TCF4: variants seen among roughly 807,000 people sequenced by gnomAD.
The protein encoded by TCF4 is transcription factor 4.
Under a neutral mutation model 82.1 loss-of-function variants are expected in TCF4, and 3 were observed. The ratio of observed to expected loss-of-function variants is 0.04; its 90% CI spans 0.02 to 0.09. The LOEUF is 0.09. TCF4 is among the 10% of genes least tolerant of loss of function. The pLI, the probability that TCF4 is intolerant of heterozygous loss-of-function variation, is 1.00. For synonymous variants in TCF4, 276 were observed against 309.6 expected, an observed-to-expected ratio of 0.89 and a Z score of 1.14; for missense variants, 518 against 852.7, an observed-to-expected ratio of 0.61 and a Z score of 4.89.
rs766523171 is a variant in TCF4 at position 55,578,770 on chromosome 18, A to G, written c.145+6510T>C. Among the ~76,000 whole-genome samples, 57 of 152,100 alleles carry G rather than the reference A, an allele frequency of 3.7e-4. 1 individual carries two copies. Among genetic ancestry groups the G allele is most frequent in the Non-Finnish European group, 6.5e-4 (44 of 67,954 alleles). On this transcript the variant is annotated intron_variant, in intron 3 of 19. Transcript: ENST00000354452. Reference sequence around the variant, plus strand: ...AGGGGTGTTTGCAAAACAAATCAATAAAGGCACATCCAACAATGGATTGCA... The same window carrying G: ...AGGGGTGTTTGCAAAACAAATCAATGAAGGCACATCCAACAATGGATTGCA...
chr18:55,616,572 A>G (rs997820432), intron 2 of TCF4, among the ~76,000 whole-genome samples: 6 of 151,982 alleles, frequency 3.9e-5, no homozygotes, highest in Non-Finnish European at 8.8e-5. Flanking sequence ...CCATTTTACC[A>G]TCCCACCAAC....
intron 2 of TCF4, among the ~76,000 whole-genome samples, chr18:55,608,285 A>G (rs570697032): frequency 1.4e-4 from 22 of 152,186 alleles, no homozygotes; most frequent in Non-Finnish European, 2.5e-4. Flanking sequence ...TAAATGGTCA[A>G]CCATCTTAAA....
chr18:55,543,394 G>T (rs992122033), intron 3 of TCF4, among the ~76,000 whole-genome samples: 1 of 152,076 alleles, frequency 6.6e-6, no homozygotes, highest in South Asian at 2.1e-4. Context: ...CAAAGATAAG[G>T]CTTCTCCTTA....
chr18:55,569,137 G>A (rs943446324), intron 3 of TCF4, among the ~76,000 whole-genome samples: 2 of 150,852 alleles, frequency 1.3e-5, no homozygotes, highest in African/African-American at 4.9e-5. Context: ...GTGAAAATCA[G>A]GAATAAGACA....
chr18:55,439,880 G>A (rs981714806), intron 5 of TCF4, among the ~76,000 whole-genome samples: 3 of 152,088 alleles, frequency 2.0e-5, no homozygotes, highest in Non-Finnish European at 2.9e-5. Flanking sequence ...GTGCCACCAC[G>A]CCTGGCTAAT....
intron 5 of TCF4, among the ~76,000 whole-genome samples, chr18:55,429,317 C>A (rs2147116417): frequency 6.6e-6 from 1 of 152,322 alleles, no homozygotes; most frequent in Admixed American, 6.5e-5. Flanking sequence ...AGTTCCAAGT[C>A]CTGCCACGTT....
chr18:55,321,700 G>A (rs1366937218), intron 8 of TCF4: 4 of 1,536,032 alleles, frequency 2.6e-6, no homozygotes, highest in Non-Finnish European at 3.5e-6. Flanking sequence ...ACATCAAAGA[G>A]TTGCCGCCCA....
intron 3 of TCF4, among the ~76,000 whole-genome samples, chr18:55,494,717 A>C (rs1268829054): frequency 6.6e-6 from 1 of 152,136 alleles, no homozygotes; most frequent in African/African-American, 2.4e-5. Context: ...CAACCCAGAG[A>C]ATGCTAGACA....
intron 2 of TCF4, among the ~76,000 whole-genome samples, chr18:55,604,935 G>C (rs1224322232): frequency 1.3e-5 from 2 of 152,164 alleles, no homozygotes; most frequent in Non-Finnish European, 2.9e-5. Flanking sequence ...GACCAATCTT[G>C]AAATAAAACA....
chr18:55,321,492 A>C, intron 8 of TCF4: 1 of 924,756 alleles, frequency 1.1e-6, no homozygotes, highest in Non-Finnish European at 1.7e-6. Context: ...AAAAAGACGA[A>C]GGAGAAGAAG....
chr18:55,545,730 G>A (rs1015786817), intron 3 of TCF4, among the ~76,000 whole-genome samples: 5 of 152,222 alleles, frequency 3.3e-5, no homozygotes, highest in East Asian at 1.9e-4. Flanking sequence ...GATTACAGGC[G>A]TGAGACACCA....
intron 5 of TCF4, among the ~76,000 whole-genome samples, chr18:55,455,180 A>T: frequency 2.0e-5 from 1 of 51,030 alleles, no homozygotes; most frequent in South Asian, 5.5e-4. Flanking sequence ...ACTCTGTCTC[A>T]AAAAAAAAAA....
At chr18:55,252,404 G>C (rs2055510246) in intron 15 of TCF4, among the ~76,000 whole-genome samples, 1 of 151,766 alleles carries the variant, frequency 6.6e-6, no homozygotes, top group Non-Finnish European at 1.5e-5. Flanking sequence ...AATTAAAGGG[G>C]TTTCTATGTA....
chr18:55,305,034 GTTTGC>G (rs2069769206), intron 8 of TCF4, among the ~76,000 whole-genome samples: 1 of 152,064 alleles, frequency 6.6e-6, no homozygotes, highest in Non-Finnish European at 1.5e-5. Context: ...GAAAGAAAAT[GTTTGC>G]TTTTTCTGTC....
At chr18:55,324,726 A>G (rs977255743) in intron 8 of TCF4, among the ~76,000 whole-genome samples, 1 of 152,108 alleles carries the variant, frequency 6.6e-6, no homozygotes, top group African/African-American at 2.4e-5. Context: ...ATGATGGGGA[A>G]TGATGGTTAG....
At chr18:55,585,397 T>C (rs1479007308) in intron 2 of TCF4, 45 bp from the exon 3 acceptor site, 7 of 1,544,822 alleles carry the variant, frequency 4.5e-6, no homozygotes, top group African/African-American at 1.4e-5. Flanking sequence ...AAGACACTTG[T>C]GCCTTCAGAG....
upstream of TCF4, chr18:55,588,249 AG>A (rs1322122651): frequency 1.1e-5 from 10 of 893,144 alleles, no homozygotes; most frequent in Non-Finnish European, 1.6e-5. Context: ...CGGGGAGGGG[AG>A]GGGACGGAGG....
At chr18:55,428,256 C>T (rs2095063056) in intron 5 of TCF4, among the ~76,000 whole-genome samples, 1 of 152,174 alleles carries the variant, frequency 6.6e-6, no homozygotes, top group Non-Finnish European at 1.5e-5. Context: ...ATCACATTTC[C>T]CTTCTCTCCC....
intron 8 of TCF4, chr18:55,321,326 G>A (rs1199195563): frequency 3.5e-6 from 1 of 284,362 alleles, no homozygotes; most frequent in African/African-American, 2.2e-5. Context: ...CTTTCTAACA[G>A]TCATTTGGAA....
Sources: gnomAD v4.1 joint callset for allele counts (sites outside exome capture counted in the v4.1 genomes callset) on GRCh38, gnomAD v4.1.1 for gene constraint, MANE v1.5 for transcripts, NCBI Gene and HGNC (gene_info 2026-07-23, HGNC 2026-07-21) for gene names.